Variants in BFSP2 observed in about 807,000 individuals in gnomAD.
BFSP2 encodes phakinin.
In BFSP2, 38 loss-of-function variants were observed where a neutral mutation model predicts 44.9. That is an observed-to-expected ratio of 0.85 (90% CI 0.65 to 1.11). The LOEUF (loss-of-function observed/expected upper bound fraction) is 1.11. Ranked by LOEUF, BFSP2 falls within the 50% of genes least tolerant of loss-of-function variation. The pLI, the probability that BFSP2 is intolerant of heterozygous loss-of-function variation, is 0.00. For missense variants in BFSP2, 525 were observed against 533.0 expected (o/e 0.99, Z 0.15); for synonymous variants, 197 against 209.9 (o/e 0.94, Z 0.53).
chr3:133,473,633 A>C (rs375760380), intron 6 of BFSP2, among the ~76,000 whole-genome samples: 2,193 of 151,028 alleles, frequency 0.015, 53 homozygotes, highest in African/African-American at 0.051. Context: ...GTCCCTGGGT[A>C]CTTGAGATTA....
chr3:133,454,356 CT>C (rs894046562), intron 4 of BFSP2, among the ~76,000 whole-genome samples: 1 of 152,072 alleles, frequency 6.6e-6, no homozygotes, highest in Non-Finnish European at 1.5e-5. Flanking sequence ...TTTTTGTCCC[CT>C]ATGCTCTTAC....
At chr3:133,467,024 A>G (rs1035785045) in intron 5 of BFSP2, 65 bp downstream of exon 5, 20 of 1,595,226 alleles carry the variant, frequency 1.3e-5, no homozygotes, top group Non-Finnish European at 1.6e-5. Flanking sequence ...GTCAAATTCC[A>G]GTATTATGGA....
intron 1 of BFSP2, among the ~76,000 whole-genome samples, chr3:133,404,194 C>T (rs1402395449): frequency 1.3e-5 from 2 of 152,204 alleles, no homozygotes; most frequent in African/African-American, 4.8e-5. Context: ...AGGTATGAGG[C>T]ACCGTGCCCA....
At chr3:133,436,696 G>A (rs1246725487) in intron 1 of BFSP2, among the ~76,000 whole-genome samples, 5 of 152,174 alleles carry the variant, frequency 3.3e-5, no homozygotes, top group Non-Finnish European at 7.3e-5. Flanking sequence ...ATGTTGGTGT[G>A]CTGCACCCAT....
rs1364517095 is a variant in BFSP2 at position 133,415,017 on chromosome 3, C to A, written c.489+14445C>A. Reference sequence around the variant, plus strand: ...ACCCTTGTCCTCTCTCCTCTACTCACCCCCCTACTCATCCCTGCCCTCTCC... The same window carrying A: ...ACCCTTGTCCTCTCTCCTCTACTCAACCCCCTACTCATCCCTGCCCTCTCC... On this transcript the variant is annotated intron_variant, in intron 1 of 6. Transcript: ENST00000302334. 2.1e-5 allele frequency among the ~76,000 whole-genome samples: 3 copies of A among 140,794 alleles called. No individual in the cohort carries two copies. The South Asian group carries it at 7.3e-4, about 34-fold the overall frequency. 92.4% of individuals were successfully genotyped at this position (140,794 alleles called of 152,430 possible). A position where few individuals can be genotyped will look rare whatever the true frequency, so the allele number is the denominator to read the frequency against.
chr3:133,468,198 C>T (rs1480161603), intron 5 of BFSP2, among the ~76,000 whole-genome samples: 6 of 152,106 alleles, frequency 3.9e-5, no homozygotes, highest in South Asian at 2.1e-4. Context: ...AATGTGGCTT[C>T]GGTGGAGGAG....
At chr3:133,430,047 T>C (rs1252052962) in intron 1 of BFSP2, among the ~76,000 whole-genome samples, 3 of 151,190 alleles carry the variant, frequency 2.0e-5, no homozygotes, top group African/African-American at 7.4e-5. Context: ...AGAATGATGG[T>C]TTCCAGTTTC....
chr3:133,409,232 G>GTA (rs1447006160), intron 1 of BFSP2, among the ~76,000 whole-genome samples: 3 of 150,978 alleles, frequency 2.0e-5, no homozygotes, highest in South Asian at 4.2e-4. Context: ...ACACTGGTGT[G>GTA]TGTGTGTGTG....
Position 133,472,330 on chromosome 3 carries a change from T to C in BFSP2, c.1024-15T>C. On this transcript the variant is annotated splice_polypyrimidine_tract_variant and intron_variant, in intron 5 of 6. Coordinates refer to ENST00000302334, the MANE Select transcript of BFSP2 (RefSeq NM_003571.4). The stretch of plus-strand genomic sequence containing the variant: ...CTGTTGTCCTCGGGTTTGGACCGGG[T>C]TCGCTCTTTTGTAGAAACGAGGCCT... The C allele has an allele frequency of 1.2e-6, 2 of 1,604,818 alleles. No individual in the cohort carries two copies. Among genetic ancestry groups the C allele is most frequent in the Non-Finnish European group, 1.7e-6 (2 of 1,178,684 alleles).
At chr3:133,406,849 T>C (rs1185414336) in intron 1 of BFSP2, among the ~76,000 whole-genome samples, 1 of 152,090 alleles carries the variant, frequency 6.6e-6, no homozygotes, top group Non-Finnish European at 1.5e-5. Context: ...GAAGGAACAA[T>C]GTAAAAACTA....
Position 133,468,169 on chromosome 3 carries a change from TCCCTGCCTCCAAAGAGTTAATGTGGC to T in BFSP2, c.1023+1211_1023+1236del, listed in dbSNP as rs566408523. Among the ~76,000 whole-genome samples the T allele has an allele frequency of 2.4e-3, 358 of 152,262 alleles. 2 individuals are homozygous for T. The highest frequency in any genetic ancestry group is 8.3e-3 in the African/African-American group (344 of 41,550). On this transcript the variant is annotated intron_variant, in intron 5 of 6. Transcript: ENST00000302334. ...GAGACATAAAACTAATGAGATATGG[TCCCTGCCTCCAAAGAGTTAATGTGGC>T]TTCGGTGGAGGAGCTGATACAAATG...
At chr3:133,444,048 G>A (rs1480452271) in intron 1 of BFSP2, among the ~76,000 whole-genome samples, 1 of 151,736 alleles carries the variant, frequency 6.6e-6, no homozygotes, top group East Asian at 1.9e-4. Context: ...TGGTACAAAT[G>A]ACTAGGACTT....
intron 1 of BFSP2, among the ~76,000 whole-genome samples, chr3:133,412,016 A>T (rs2073458999): frequency 6.6e-6 from 1 of 152,246 alleles, no homozygotes; most frequent in Non-Finnish European, 1.5e-5. Context: ...AAGTATTATT[A>T]ATTTTTAGAC....
intron 1 of BFSP2, among the ~76,000 whole-genome samples, chr3:133,437,797 A>C (rs2073805167): frequency 6.6e-6 from 1 of 152,200 alleles, no homozygotes; most frequent in South Asian, 2.1e-4. Context: ...CGTGAAAAAT[A>C]ATCAAATAGC....
chr3:133,430,200 G>A (rs1321871137), intron 1 of BFSP2, among the ~76,000 whole-genome samples: 88 of 152,184 alleles, frequency 5.8e-4, no homozygotes, highest in South Asian at 2.1e-3. Flanking sequence ...ATTGTGAATA[G>A]TGCCGTAATA....
intron 4 of BFSP2, among the ~76,000 whole-genome samples, chr3:133,460,841 G>A (rs779183787): frequency 7.2e-5 from 11 of 152,244 alleles, no homozygotes; most frequent in Non-Finnish European, 1.5e-4. Context: ...GCATTCTGCA[G>A]TAGAACAATG....
At chr3:133,453,317 T>C (rs1288968336) in intron 4 of BFSP2, among the ~76,000 whole-genome samples, 1 of 152,214 alleles carries the variant, frequency 6.6e-6, no homozygotes, top group Non-Finnish European at 1.5e-5. Context: ...AAAGCTTTTG[T>C]AAAGAAAATG....
intron 4 of BFSP2, among the ~76,000 whole-genome samples, chr3:133,460,713 G>A (rs1036797452): frequency 6.6e-6 from 1 of 152,196 alleles, no homozygotes; most frequent in Non-Finnish European, 1.5e-5. Context: ...TATGACACAA[G>A]ATAGGGAACC....
chr3:133,440,792 G>T (rs2073837726), intron 1 of BFSP2, among the ~76,000 whole-genome samples: 1 of 152,112 alleles, frequency 6.6e-6, no homozygotes, highest in Non-Finnish European at 1.5e-5. Context: ...TGCTCATCTG[G>T]CCCCTCTACA....
Sources: gnomAD v4.1 joint callset for allele counts (sites outside exome capture counted in the v4.1 genomes callset) on GRCh38, gnomAD v4.1.1 for gene constraint, MANE v1.5 for transcripts, NCBI Gene and HGNC (gene_info 2026-07-23, HGNC 2026-07-21) for gene names.